CD59: variants seen among roughly 807,000 people sequenced by gnomAD.
CD59 encodes CD59 glycoprotein.
A neutral mutation model predicts 7.0 loss-of-function variants in CD59; 3 were observed. The observed-to-expected ratio is 0.43, with a 90% CI of 0.19 to 1.10. The LOEUF is 1.10. Among genes scored for constraint, CD59 ranks in the 50% least tolerant of loss-of-function variants. CD59 has a pLI of 0.29. For missense variants in CD59, 143 were observed against 151.0 expected (o/e 0.95, Z 0.28); for synonymous variants, 60 against 62.0 (o/e 0.97, Z 0.15).
At position 33,736,376 on chromosome 11, in the gene CD59, TC is replaced by T. The variant is rs1854577723; in HGVS notation, c.-19+5del. ...CAAACCCCAGCAGGCCTTCGGGCCT[TC>T]TTACCTGGCGGCGCCCAAGATCCTC... On this transcript the variant is annotated splice_donor_5th_base_variant and intron_variant, in intron 1 of 3. Transcript: ENST00000642928. The surrounding 1 kb of genome is among the most constrained non-coding windows in gnomAD (Gnocchi z 4.4). 1 of 152,422 alleles carries T rather than the reference TC, an allele frequency of 6.6e-6. No individual in the cohort carries two copies. The highest frequency in any genetic ancestry group is 1.5e-5 in the Non-Finnish European group (1 of 68,274). 9.4% of individuals were successfully genotyped at this position (152,422 alleles called of 1,614,324 possible).
chr11:33,726,720 A>G (rs1854269898), intron 1 of CD59, among the ~76,000 whole-genome samples: 1 of 152,256 alleles, frequency 6.6e-6, no homozygotes, highest in African/African-American at 2.4e-5. Context: ...GACCCTTCAA[A>G]AAATCAATGA....
Position 33,707,402 on chromosome 11 carries a change from C to A in CD59, c.*2724G>T, listed in dbSNP as rs1853354456. On this transcript the variant is annotated 3_prime_UTR_variant, in exon 4 of 4. Coordinates refer to ENST00000642928, the MANE Select transcript of CD59 (RefSeq NM_000611.6). Reference sequence around the variant, plus strand: ...AGAAAAATATACCCATACCTTGAAGCCCCCAGTACATTCAAGACCAAGTTT... The same window carrying A: ...AGAAAAATATACCCATACCTTGAAGACCCCAGTACATTCAAGACCAAGTTT... 6.6e-6 allele frequency: 1 copy of A among 152,206 alleles called. No homozygotes were observed. The highest frequency in any genetic ancestry group is 6.5e-5 in the Admixed American group (1 of 15,282). The allele number at this position is 152,206 out of a possible 1,614,324, so 9.4% of individuals were successfully genotyped here.
At chr11:33,714,166 T>C (rs1265143091) in intron 3 of CD59, among the ~76,000 whole-genome samples, 1 of 152,232 alleles carries the variant, frequency 6.6e-6, no homozygotes, top group African/African-American at 2.4e-5. Context: ...AGCACCATCA[T>C]ATCTGTCTCT....
chr11:33,735,772 C>T (rs1854550897), intron 1 of CD59, among the ~76,000 whole-genome samples: 1 of 152,016 alleles, frequency 6.6e-6, no homozygotes, highest in Non-Finnish European at 1.5e-5. Context: ...AAAATTTAGC[C>T]AGGCATGGTG....
chr11:33,717,336 T>C, intron 3 of CD59, 34 bp downstream of exon 3: 1 of 1,396,704 alleles, frequency 7.2e-7, no homozygotes, highest in Non-Finnish European at 1.0e-6. Flanking sequence ...TATTACCCCA[T>C]TACATTTAGG....
At chr11:33,735,411 T>G (rs147646997) in intron 1 of CD59, among the ~76,000 whole-genome samples, 1 of 151,640 alleles carries the variant, frequency 6.6e-6, no homozygotes, top group South Asian at 2.1e-4. Context: ...CTGCTTAATG[T>G]TGGTTTTTTT....
At chr11:33,717,701 C>G (rs1231834993) in intron 2 of CD59, 5 of 497,458 alleles carry the variant, frequency 1.0e-5, no homozygotes, top group Non-Finnish European at 1.1e-5. Flanking sequence ...ATCCATCTAA[C>G]TGTGCAATTG....
intron 1 of CD59, among the ~76,000 whole-genome samples, chr11:33,735,736 G>GA (rs147628468): frequency 0.15 from 22,053 of 151,844 alleles, 2,766 homozygotes; most frequent in African/African-American, 0.34. Context: ...ACCAACATGG[G>GA]AAAACCCCGT....
At chr11:33,733,892 T>C (rs1375062730) in intron 1 of CD59, among the ~76,000 whole-genome samples, 1 of 152,236 alleles carries the variant, frequency 6.6e-6, no homozygotes, top group Non-Finnish European at 1.5e-5. Flanking sequence ...CCTTACAGAC[T>C]GAAGAATTTT....
intron 1 of CD59, chr11:33,722,821 G>A (rs1490857305): frequency 1.1e-5 from 10 of 931,986 alleles, no homozygotes; most frequent in East Asian, 6.3e-5. Flanking sequence ...GCCACTTCTC[G>A]GAGCCACAGC....
chr11:33,710,282 G>C lies in CD59; in HGVS notation c.231C>G (p.Thr77=). 1.2e-6 allele frequency: 2 copies of C among 1,614,170 alleles called. No individual in the cohort carries two copies. Among genetic ancestry groups the C allele is most frequent in the Non-Finnish European group, 1.7e-6 (2 of 1,180,012 alleles). Residue 77 remains threonine, a synonymous_variant, in exon 4 of 4, where the codon ACC becomes ACG. Transcript: ENST00000642928. ...ACGTTAGCTCATTTTCCCTCAAGCG[G>C]GTTGTGACGTCGTTGAAATTGCAAT... ...FEHCNFNDVT[T]RLRENELTYY...
chr11:33,722,680 C>T lies in CD59; in HGVS notation c.-18-217G>A, dbSNP rs1054164488. 28 of 1,358,584 alleles carry T rather than the reference C, an allele frequency of 2.1e-5. No homozygotes were observed. In the African/African-American group the frequency reaches 3.8e-4, roughly 19 times the overall value. 84.2% of individuals were successfully genotyped at this position (1,358,584 alleles called of 1,614,324 possible). A position where few individuals can be genotyped will look rare whatever the true frequency, so the allele number is the denominator to read the frequency against. ...CTATAAGCCCCAGTGTGTACTACCA[C>T]ACTGTGGGAATAACACTATCTTCCC... On this transcript the variant is annotated intron_variant, in intron 1 of 3. Transcript: ENST00000642928.
rs1854132363 is a variant in CD59, at chr11:33,722,800, TGAAA to T, written c.-18-341_-18-338del. 3 of 984,932 alleles carry T rather than the reference TGAAA, an allele frequency of 3.0e-6. No homozygotes were observed. In the South Asian group the frequency reaches 5.3e-5, roughly 18 times the overall value. The allele number at this position is 984,932 out of a possible 1,614,324, so 61.0% of individuals were successfully genotyped here. A position where few individuals can be genotyped will look rare whatever the true frequency, so the allele number is the denominator to read the frequency against. On this transcript the variant is annotated intron_variant, in intron 1 of 3. Transcript: ENST00000642928. ...ACTGGCCCCACCCCAAGCTGCTGGC[TGAAA>T]GAGAGGGCCACTTCTCGGAGCCACA...
chr11:33,733,048 C>T (rs192428937), intron 1 of CD59, among the ~76,000 whole-genome samples: 253 of 152,296 alleles, frequency 1.7e-3, no homozygotes, highest in African/African-American at 5.8e-3. Flanking sequence ...CCAAGGCACA[C>T]AGGCGGCCTT....
At chr11:33,735,913 C>G (rs532281767) in intron 1 of CD59, among the ~76,000 whole-genome samples, 1 of 139,784 alleles carries the variant, frequency 7.2e-6, no homozygotes, top group South Asian at 2.3e-4. Context: ...AACTCCATCT[C>G]AAAAAAAAAA....
chr11:33,728,508 A>G (rs1193931547), intron 1 of CD59, among the ~76,000 whole-genome samples: 1 of 152,182 alleles, frequency 6.6e-6, no homozygotes, highest in Non-Finnish European at 1.5e-5. Flanking sequence ...TACACCTTAC[A>G]CAAAAGTTAA....
Position 33,709,782 on chromosome 11 carries a change from C to T in CD59, c.*344G>A. ...ATGTACTAATGATGCTAACTGACTACATCCAAGGAGCCAGAGGAAAAATAA... is the reference window on the plus strand; with the variant it reads ...ATGTACTAATGATGCTAACTGACTATATCCAAGGAGCCAGAGGAAAAATAA... On this transcript the variant is annotated 3_prime_UTR_variant, in exon 4 of 4. Transcript: ENST00000642928. 1 of 423,018 alleles carries T rather than the reference C, an allele frequency of 2.4e-6. No homozygotes were observed. The highest frequency in any genetic ancestry group is 4.4e-6 in the Non-Finnish European group (1 of 227,014). 26.2% of individuals were successfully genotyped at this position (423,018 alleles called of 1,614,324 possible).
At chr11:33,713,130 T>C (rs1250912076) in intron 3 of CD59, among the ~76,000 whole-genome samples, 1 of 152,196 alleles carries the variant, frequency 6.6e-6, no homozygotes, top group Non-Finnish European at 1.5e-5. Flanking sequence ...GCCAGAAGTA[T>C]ATACTCCAAG....
intron 3 of CD59, 38 bp downstream of exon 3, chr11:33,717,332 C>A (rs986760650): frequency 2.2e-6 from 3 of 1,340,382 alleles, no homozygotes; most frequent in Non-Finnish European, 1.1e-6. Context: ...CACTTATTAC[C>A]CCATTACATT....
Sources: allele counts gnomAD v4.1 joint callset (sites outside exome capture counted in the v4.1 genomes callset), GRCh38; gene constraint gnomAD v4.1.1; non-coding constraint Gnocchi (gnomAD v3.1); transcripts MANE v1.5; gene names NCBI Gene and HGNC (gene_info 2026-07-23, HGNC 2026-07-21).